Variants in SUGCT observed in about 807,000 individuals in gnomAD.
SUGCT encodes succinyl-CoA:glutarate-CoA transferase.
Under a neutral mutation model 55.0 loss-of-function variants are expected in SUGCT, and 41 were observed. That is an observed-to-expected ratio of 0.74 (90% CI 0.58 to 0.97). SUGCT has a LOEUF of 0.97. Among genes scored for constraint, SUGCT ranks in the 50% least tolerant of loss-of-function variants. The probability of loss-of-function intolerance (pLI) is 0.00; values close to 1 mark genes in which losing one functional copy is unlikely to be tolerated. For synonymous variants in SUGCT, 187 were observed against 200.4 expected, an observed-to-expected ratio of 0.93 and a Z score of 0.56; for missense variants, 568 against 547.8, an observed-to-expected ratio of 1.04 and a Z score of -0.37.
At chr7:40,779,090 G>C (rs1194848209) in intron 13 of SUGCT, among the ~76,000 whole-genome samples, 1 of 151,146 alleles carries the variant, frequency 6.6e-6, no homozygotes, top group Non-Finnish European at 1.5e-5. Context: ...GGTGGTGCTG[G>C]TTCTGTCTCC....
At chr7:40,844,461 C>T (rs370864736) in intron 13 of SUGCT, among the ~76,000 whole-genome samples, 11 of 152,220 alleles carry the variant, frequency 7.2e-5, no homozygotes, top group Admixed American at 3.3e-4. Flanking sequence ...GAACTCTTCT[C>T]GGAAGTCCCG....
chr7:40,988,063 G>T, the SUGCT span, among the ~76,000 whole-genome samples: 2 of 151,916 alleles, frequency 1.3e-5, no homozygotes, highest in African/African-American at 4.8e-5. Context: ...ACATGTATGA[G>T]ATCCCATCAA....
chr7:40,928,426 A>G, the SUGCT span, among the ~76,000 whole-genome samples: 1 of 151,952 alleles, frequency 6.6e-6, no homozygotes, highest in Non-Finnish European at 1.5e-5. Flanking sequence ...TTATACCATC[A>G]TATCTGGAGG....
intron 1 of SUGCT, among the ~76,000 whole-genome samples, chr7:40,171,418 A>G (rs1258460424): frequency 1.3e-5 from 2 of 152,152 alleles, no homozygotes; most frequent in Non-Finnish European, 2.9e-5. Context: ...CCCTGGAGGA[A>G]CCATCTACCT....
intron 12 of SUGCT, among the ~76,000 whole-genome samples, chr7:40,666,697 A>G (rs539439756): frequency 6.6e-6 from 1 of 152,240 alleles, no homozygotes; most frequent in South Asian, 2.1e-4. Context: ...ATGTGTTCGT[A>G]TGATTTCCCC....
At chr7:40,534,365 A>C (rs942614026) in intron 12 of SUGCT, among the ~76,000 whole-genome samples, 1 of 152,196 alleles carries the variant, frequency 6.6e-6, no homozygotes, top group Non-Finnish European at 1.5e-5. Flanking sequence ...CATATTTGTA[A>C]GAATCAAATA....
intron 13 of SUGCT, among the ~76,000 whole-genome samples, chr7:40,816,083 C>T (rs1021130619): frequency 2.0e-5 from 3 of 152,230 alleles, no homozygotes; most frequent in African/African-American, 7.2e-5. Context: ...GAAACTACAG[C>T]TGTAGCAGCT....
chr7:40,941,242 A>C, the SUGCT span, among the ~76,000 whole-genome samples: 1 of 151,980 alleles, frequency 6.6e-6, no homozygotes, highest in African/African-American at 2.4e-5. Flanking sequence ...CTTTTAACAC[A>C]CTTTGCTGTA....
intron 12 of SUGCT, among the ~76,000 whole-genome samples, chr7:40,505,405 A>T (rs1792533412): frequency 6.6e-6 from 1 of 151,788 alleles, no homozygotes; most frequent in South Asian, 2.1e-4. Context: ...TATGTTTTCT[A>T]TGTGTCTTAT....
chr7:40,941,785 CTTG>C, the SUGCT span, among the ~76,000 whole-genome samples: 1 of 152,028 alleles, frequency 6.6e-6, no homozygotes, highest in Non-Finnish European at 1.5e-5. Context: ...ATTGTAATAT[CTTG>C]TTGTTAAATT....
chr7:40,205,192 T>G (rs1584337681), intron 6 of SUGCT, among the ~76,000 whole-genome samples: 1 of 146,342 alleles, frequency 6.8e-6, no homozygotes, highest in South Asian at 2.2e-4. Context: ...GAGGTGGAGG[T>G]TGCAGTGAGC....
At position 40,465,321 on chromosome 7, in the gene SUGCT, G is replaced by A. The variant is rs1027317820; in HGVS notation, c.986+6123G>A. ...TGAATCAAGCATTTAGGCTGGGTGC[G>A]GTGGCTGGCTGGGTACAGTGGTTCA... On this transcript the variant is annotated intron_variant, in intron 11 of 13. Transcript: ENST00000335693. Among the ~76,000 whole-genome samples the A allele has an allele frequency of 2.0e-5, 3 of 152,214 alleles. No individual in the cohort carries two copies. The South Asian group carries it at 6.2e-4, about 32-fold the overall frequency.
chr7:40,233,955 C>T (rs1788864875), intron 6 of SUGCT, among the ~76,000 whole-genome samples: 1 of 151,988 alleles, frequency 6.6e-6, no homozygotes, highest in South Asian at 2.1e-4. Flanking sequence ...CCCCTTTTTC[C>T]CTATACTTTA....
intron 13 of SUGCT, among the ~76,000 whole-genome samples, chr7:40,807,960 T>C (rs1015948327): frequency 6.6e-6 from 1 of 152,176 alleles, no homozygotes; most frequent in Non-Finnish European, 1.5e-5. Context: ...CTGGCCTCAC[T>C]TGTGTGTCTA....
intron 9 of SUGCT, among the ~76,000 whole-genome samples, chr7:40,394,716 A>G (rs1356473422): frequency 6.6e-6 from 1 of 152,152 alleles, no homozygotes; most frequent in East Asian, 1.9e-4. Context: ...GGTAACCACC[A>G]TTCTATCCTG....
At chr7:40,645,208 G>A (rs1031749486) in intron 12 of SUGCT, among the ~76,000 whole-genome samples, 2 of 152,110 alleles carry the variant, frequency 1.3e-5, no homozygotes, top group African/African-American at 2.4e-5. Context: ...CGTCCTTTTG[G>A]CTGCTCTGCC....
intron 12 of SUGCT, among the ~76,000 whole-genome samples, chr7:40,718,958 T>A (rs2128681777): frequency 6.6e-6 from 1 of 152,376 alleles, no homozygotes; most frequent in South Asian, 2.1e-4. Flanking sequence ...TATGGTTCCC[T>A]AAGGAATTAA....
chr7:40,738,127 G>A (rs1184055940), intron 12 of SUGCT, among the ~76,000 whole-genome samples: 1 of 150,344 alleles, frequency 6.7e-6, no homozygotes, highest in Non-Finnish European at 1.5e-5. Flanking sequence ...AACTAGGGAG[G>A]CAGAGGTTGC....
the SUGCT span, among the ~76,000 whole-genome samples, chr7:40,886,080 A>G: frequency 6.6e-6 from 1 of 152,190 alleles, no homozygotes; most frequent in Non-Finnish European, 1.5e-5. Flanking sequence ...AGTATATATA[A>G]ACATGAGCCT....
Sources: gnomAD v4.1 joint callset for allele counts (sites outside exome capture counted in the v4.1 genomes callset) on GRCh38, gnomAD v4.1.1 for gene constraint, MANE v1.5 for transcripts, NCBI Gene and HGNC (gene_info 2026-07-23, HGNC 2026-07-21) for gene names.